TRDN: variants seen among roughly 807,000 people sequenced by gnomAD.
The protein encoded by TRDN is triadin.
Under a neutral mutation model 149.7 loss-of-function variants are expected in TRDN, and 161 were observed. The ratio of observed to expected loss-of-function variants is 1.08; its 90% CI spans 0.95 to 1.23. TRDN has a LOEUF of 1.23. Among genes scored for constraint, TRDN ranks in the 50% most tolerant of loss-of-function variants. TRDN has a pLI of 0.00. For missense variants in TRDN, 896 were observed against 823.5 expected, an observed-to-expected ratio of 1.09 and a Z score of -1.08; for synonymous variants, 294 against 250.5, an observed-to-expected ratio of 1.17 and a Z score of -1.64.
At chr6:123,634,664 C>G (rs1786198861) in intron 1 of TRDN, among the ~76,000 whole-genome samples, 1 of 151,724 alleles carries the variant, frequency 6.6e-6, no homozygotes, top group Non-Finnish European at 1.5e-5. Context: ...CTTTGGATAT[C>G]ATCAAAGAAT....
intron 5 of TRDN, among the ~76,000 whole-genome samples, chr6:123,522,517 C>CTTTTTT (rs375665403): frequency 2.3e-5 from 2 of 87,218 alleles, no homozygotes; most frequent in African/African-American, 4.9e-5. Flanking sequence ...TGCGGTTCCT[C>CTTTTTT]TTTTTTTTTT....
intron 6 of TRDN, among the ~76,000 whole-genome samples, chr6:123,513,753 A>G (rs1406167972): frequency 6.6e-6 from 1 of 152,082 alleles, no homozygotes; most frequent in Non-Finnish European, 1.5e-5. Context: ...ATTTGGTTAC[A>G]TGAGTAAGCT....
chr6:123,390,824 A>G (rs1458485575), intron 13 of TRDN, among the ~76,000 whole-genome samples: 2 of 152,124 alleles, frequency 1.3e-5, no homozygotes, highest in Non-Finnish European at 2.9e-5. Context: ...CACATTGTAA[A>G]AAGACTGGAA....
intron 12 of TRDN, among the ~76,000 whole-genome samples, chr6:123,395,241 T>C (rs985649880): frequency 1.3e-5 from 2 of 152,210 alleles, no homozygotes; most frequent in Admixed American, 6.5e-5. Context: ...CTTAAATCAC[T>C]GATCCTAAAC....
At chr6:123,579,910 G>A (rs1031702137) in intron 1 of TRDN, among the ~76,000 whole-genome samples, 11 of 152,148 alleles carry the variant, frequency 7.2e-5, no homozygotes, top group African/African-American at 1.2e-4. Context: ...TGAAAAGAAG[G>A]TGCCTTACTT....
intron 16 of TRDN, among the ~76,000 whole-genome samples, chr6:123,378,815 C>T (rs1485188114): frequency 6.6e-6 from 1 of 152,094 alleles, no homozygotes; most frequent in East Asian, 1.9e-4. Context: ...AGGACAAATG[C>T]TCCTTTTGGA....
At chr6:123,499,719 A>AAAAAAAATAT in intron 8 of TRDN, among the ~76,000 whole-genome samples, 4 of 47,680 alleles carry the variant, frequency 8.4e-5, no homozygotes, top group African/African-American at 1.4e-4. Context: ...AAAAAAAAAA[A>AAAAAAAATAT]ATATATATAT....
intron 21 of TRDN, among the ~76,000 whole-genome samples, chr6:123,342,656 G>T (rs1044341046): frequency 7.2e-5 from 11 of 151,890 alleles, no homozygotes; most frequent in Middle Eastern, 3.2e-3. Flanking sequence ...CTTGCCCAAG[G>T]TTACAGCTAG....
At chr6:123,268,959 A>G (rs1034635632) in intron 31 of TRDN, among the ~76,000 whole-genome samples, 3 of 151,988 alleles carry the variant, frequency 2.0e-5, no homozygotes, top group African/African-American at 7.2e-5. Context: ...CATTTGTGCT[A>G]TATAGCCTAA....
At chr6:123,489,292 A>C (rs1778107336) in intron 9 of TRDN, among the ~76,000 whole-genome samples, 1 of 152,078 alleles carries the variant, frequency 6.6e-6, no homozygotes, top group African/African-American at 2.4e-5. Flanking sequence ...TTAAGTAATA[A>C]ATCTTATAAA....
chr6:123,432,088 G>T lies in TRDN; in HGVS notation c.1051+5975C>A, dbSNP rs142842346. 6.8e-3 allele frequency among the ~76,000 whole-genome samples: 1,038 copies of T among 152,212 alleles called. 13 individuals carry two copies. Among genetic ancestry groups the T allele is most frequent in the African/African-American group, 0.024 (978 of 41,542 alleles). On this transcript the variant is annotated intron_variant, in intron 12 of 40. Transcript: ENST00000334268. ...CAAATTCTTTATGAGTTCTATACTA[G>T]ACAAATCTTACCTGACCAATTCACC... is the stretch of plus-strand genomic sequence containing the variant.
intron 40 of TRDN, among the ~76,000 whole-genome samples, chr6:123,219,983 T>G (rs556870330): frequency 6.6e-6 from 1 of 152,008 alleles, no homozygotes; most frequent in South Asian, 2.1e-4. Flanking sequence ...TTGAATAAGC[T>G]ACTCATTAAA....
In TRDN at chr6:123,339,384, G is replaced by C. The variant is rs150520339; in HGVS notation, c.1370-1715C>G. On this transcript the variant is annotated intron_variant, in intron 21 of 40. Transcript: ENST00000334268. The stretch of plus-strand genomic sequence containing the variant: ...AGAGTTCTTACTTGGCTTACAGTAG[G>C]ATAATTTTCCCTCACCTGAGATACA... Among the ~76,000 whole-genome samples, 8 of 152,218 alleles carry C rather than the reference G, an allele frequency of 5.3e-5. No individual in the cohort carries two copies. The East Asian group carries it at 1.5e-3, about 29-fold the overall frequency.
chr6:123,392,331 T>C (rs543231955), intron 13 of TRDN, among the ~76,000 whole-genome samples: 2 of 152,176 alleles, frequency 1.3e-5, no homozygotes, highest in East Asian at 3.9e-4. Context: ...TGAATGCCTC[T>C]AACATGAGGC....
At chr6:123,581,562 G>A (rs964599199) in intron 1 of TRDN, among the ~76,000 whole-genome samples, 4 of 152,172 alleles carry the variant, frequency 2.6e-5, no homozygotes, top group Non-Finnish European at 5.9e-5. Flanking sequence ...TCTGCATATA[G>A]AAGGTTATGC....
chr6:123,484,572 T>G (rs1301494553), intron 9 of TRDN, among the ~76,000 whole-genome samples: 2 of 152,186 alleles, frequency 1.3e-5, no homozygotes, highest in Non-Finnish European at 2.9e-5. Flanking sequence ...ATTTCTTCCT[T>G]TTCAGACTAT....
intron 1 of TRDN, among the ~76,000 whole-genome samples, chr6:123,584,550 C>T (rs1342569167): frequency 6.6e-6 from 1 of 152,140 alleles, no homozygotes; most frequent in East Asian, 1.9e-4. Flanking sequence ...ATTAATCGGA[C>T]ACGATCAGCA....
chr6:123,267,815 T>C, intron 31 of TRDN, 64 bp from the exon 32 acceptor site: 1 of 1,338,758 alleles, frequency 7.5e-7, no homozygotes, highest in South Asian at 1.4e-5. Context: ...TTCTTATTTA[T>C]ATATTTGCAA....
At chr6:123,280,116 C>A (rs150112120) in intron 24 of TRDN, among the ~76,000 whole-genome samples, 1 of 152,018 alleles carries the variant, frequency 6.6e-6, no homozygotes, top group Non-Finnish European at 1.5e-5. Flanking sequence ...TAGCAAATCA[C>A]GGAGCTTATA....
Sources: gnomAD v4.1 joint callset for allele counts (sites outside exome capture counted in the v4.1 genomes callset) on GRCh38, gnomAD v4.1.1 for gene constraint, MANE v1.5 for transcripts, NCBI Gene and HGNC (gene_info 2026-07-23, HGNC 2026-07-21) for gene names.